The following GOLGA5 variants were observed in gnomAD, a reference collection of about 807,000 sequenced individuals.
GOLGA5 encodes the protein golgin A5.
GOLGA5 carries 50 observed loss-of-function variants against 93.5 expected under a neutral mutation model. The observed-to-expected ratio is 0.53, with a 90% CI of 0.43 to 0.68. The LOEUF (loss-of-function observed/expected upper bound fraction) is 0.68, where lower values mean the gene tolerates loss of function less well. Ranked by LOEUF, GOLGA5 falls within the 30% of genes least tolerant of loss-of-function variation. The probability of loss-of-function intolerance (pLI) is 0.00; values close to 1 mark genes in which losing one functional copy is unlikely to be tolerated. For missense variants in GOLGA5, 760 were observed against 856.4 expected (o/e 0.89, Z 1.40); for synonymous variants, 312 against 304.5 (o/e 1.02, Z -0.26).
intron 12 of GOLGA5, among the ~76,000 whole-genome samples, chr14:92,839,100 A>C (rs953604673): frequency 1.3e-5 from 2 of 152,200 alleles, no homozygotes; most frequent in Admixed American, 6.5e-5. Flanking sequence ...TCTGCATTAT[A>C]ATCAACTGAT....
chr14:92,795,967 C>T (rs931399856), intron 1 of GOLGA5, among the ~76,000 whole-genome samples: 1 of 152,226 alleles, frequency 6.6e-6, no homozygotes, highest in African/African-American at 2.4e-5. Flanking sequence ...ATATCTTCAT[C>T]ATTACTTTGA....
intron 9 of GOLGA5, among the ~76,000 whole-genome samples, chr14:92,825,602 T>C (rs1885400223): frequency 6.6e-6 from 1 of 152,224 alleles, no homozygotes; most frequent in Non-Finnish European, 1.5e-5. Flanking sequence ...AGTTCATGCT[T>C]GAAATCCCAA....
At chr14:92,834,196 A>G in intron 10 of GOLGA5, among the ~76,000 whole-genome samples, 1 of 98,742 alleles carries the variant, frequency 1.0e-5, no homozygotes, top group East Asian at 3.8e-4. Flanking sequence ...TTTTTTTTTT[A>G]TTTTATTTTT....
chr14:92,797,520 G>A lies in GOLGA5; in HGVS notation c.83G>A (p.Arg28Lys). 1 of 1,613,186 alleles carries A rather than the reference G, an allele frequency of 6.2e-7. No individual in the cohort carries two copies. Among genetic ancestry groups the A allele is most frequent in the Non-Finnish European group, 8.5e-7 (1 of 1,179,226 alleles). ...VDQGAATALS[R>K]KDNASNIYSK... Reference sequence around the variant, plus strand: ...CAAGGGGCTGCAACAGCTCTCAGTAGGAAAGACAATGCCAGCAACATATAT... The same window carrying A: ...CAAGGGGCTGCAACAGCTCTCAGTAAGAAAGACAATGCCAGCAACATATAT... Residue 28 changes from arginine (R) to lysine (K), a missense_variant, in exon 2 of 13, where the codon AGG (arginine) becomes AAG (lysine). Physicochemically the swap from Arg to Lys is conservative, Grantham distance 26. Coordinates refer to ENST00000163416, the MANE Select transcript of GOLGA5 (RefSeq NM_005113.4).
At chr14:92,835,498 A>T (rs1407312977) in intron 10 of GOLGA5, 61 bp from the exon 11 acceptor site, 17 of 1,167,208 alleles carry the variant, frequency 1.5e-5, no homozygotes, top group Non-Finnish European at 2.2e-5. Context: ...TGTATTTCCA[A>T]TTATAATTGT....
intron 2 of GOLGA5, among the ~76,000 whole-genome samples, chr14:92,799,117 A>G (rs892904976): frequency 1.3e-5 from 2 of 151,740 alleles, no homozygotes; most frequent in East Asian, 1.9e-4. Context: ...ATAGGTGCAC[A>G]CCACTGTGCC....
At chr14:92,817,942 A>G (rs2140325303) in intron 7 of GOLGA5, among the ~76,000 whole-genome samples, 1 of 152,324 alleles carries the variant, frequency 6.6e-6, no homozygotes, top group Non-Finnish European at 1.5e-5. Flanking sequence ...TGTTTCTGAC[A>G]TGTAATAGAC....
intron 2 of GOLGA5, among the ~76,000 whole-genome samples, chr14:92,799,362 C>T (rs1224289292): frequency 1.3e-5 from 2 of 150,000 alleles, no homozygotes; most frequent in South Asian, 2.1e-4. Flanking sequence ...CTGCAAGCTC[C>T]ACCTCCTGGG....
intron 1 of GOLGA5, among the ~76,000 whole-genome samples, chr14:92,795,019 G>A (rs960422864): frequency 2.0e-5 from 3 of 152,264 alleles, no homozygotes; most frequent in Non-Finnish European, 4.4e-5. Flanking sequence ...TGCAACATTA[G>A]TAGCAGTTGC....
chr14:92,801,735 C>CTT (rs11388778), intron 2 of GOLGA5, among the ~76,000 whole-genome samples: 6,395 of 143,152 alleles, frequency 0.045, 190 homozygotes, highest in Admixed American at 0.096. Flanking sequence ...TTCCCTTTTT[C>CTT]TTTTTTTTTT....
intron 1 of GOLGA5, among the ~76,000 whole-genome samples, chr14:92,795,747 A>G (rs1300262402): frequency 3.9e-5 from 6 of 152,178 alleles, no homozygotes; most frequent in African/African-American, 1.4e-4. Flanking sequence ...ATACGTAATT[A>G]TAAAACATGA....
At chr14:92,813,266 C>T (rs1264788623) in intron 6 of GOLGA5, among the ~76,000 whole-genome samples, 1 of 152,166 alleles carries the variant, frequency 6.6e-6, no homozygotes, top group Non-Finnish European at 1.5e-5. Context: ...TCACTAGGCA[C>T]AGAGGATACA....
intron 6 of GOLGA5, among the ~76,000 whole-genome samples, chr14:92,815,144 C>T (rs1183970640): frequency 6.6e-6 from 1 of 152,190 alleles, no homozygotes; most frequent in Non-Finnish European, 1.5e-5. Flanking sequence ...TCAGGAGCCC[C>T]TCCAAATTGG....
intron 9 of GOLGA5, among the ~76,000 whole-genome samples, chr14:92,830,361 A>G (rs1212862297): frequency 2.0e-5 from 3 of 151,770 alleles, no homozygotes; most frequent in Non-Finnish European, 4.4e-5. Flanking sequence ...AACCCAACAC[A>G]GAATTCGTAA....
intron 10 of GOLGA5, 51 bp from the exon 11 acceptor site, chr14:92,835,508 T>C: frequency 8.1e-7 from 1 of 1,241,922 alleles, no homozygotes; most frequent in Non-Finnish European, 1.2e-6. Flanking sequence ...ATTATAATTG[T>C]CTTAGTTAAT....
chr14:92,824,314 G>A, intron 8 of GOLGA5, among the ~76,000 whole-genome samples: 1 of 151,888 alleles, frequency 6.6e-6, no homozygotes, highest in East Asian at 1.9e-4. Flanking sequence ...ATTTATTATG[G>A]ATCTTTGTTT....
chr14:92,806,200 T>C (rs371160464), intron 2 of GOLGA5, among the ~76,000 whole-genome samples: 49 of 152,356 alleles, frequency 3.2e-4, no homozygotes, highest in African/African-American at 1.2e-3. Context: ...GGTGTTGTAC[T>C]GTCTGTTGTC....
At chr14:92,831,697 A>C (rs1885535428) in intron 9 of GOLGA5, among the ~76,000 whole-genome samples, 1 of 152,192 alleles carries the variant, frequency 6.6e-6, no homozygotes, top group African/African-American at 2.4e-5. Context: ...TACCATCTTA[A>C]AATTGAGCAT....
Position 92,839,505 on chromosome 14 carries a change from A to C in GOLGA5, c.*59A>C, listed in dbSNP as rs1885715224. ...TTTTCTAGACTTGGGATCTGCAAGA[A>C]GGCCAATTGCCTAAAATTTCTGAGA... On this transcript the variant is annotated 3_prime_UTR_variant, in exon 13 of 13. Transcript: ENST00000163416. 3 of 1,099,706 alleles carry C rather than the reference A, an allele frequency of 2.7e-6. No individual in the cohort carries two copies. In the East Asian group the frequency reaches 7.0e-5, roughly 26 times the overall value. 68.1% of individuals were successfully genotyped at this position (1,099,706 alleles called of 1,614,324 possible). A position where few individuals can be genotyped will look rare whatever the true frequency, so the allele number is the denominator to read the frequency against.
Sources: gnomAD v4.1 joint callset for allele counts (sites outside exome capture counted in the v4.1 genomes callset) on GRCh38, gnomAD v4.1.1 for gene constraint, MANE v1.5 for transcripts, NCBI Gene and HGNC (gene_info 2026-07-23, HGNC 2026-07-21) for gene names.